IL34: variants seen among roughly 807,000 people sequenced by gnomAD.
IL34 encodes interleukin-34.
Under a neutral mutation model 25.3 loss-of-function variants are expected in IL34, and 17 were observed. The observed-to-expected ratio is 0.67, with a 90% CI of 0.46 to 1.01. IL34 has a LOEUF of 1.01. Among genes scored for constraint, IL34 ranks in the 50% least tolerant of loss-of-function variants. IL34 has a pLI of 0.00. For synonymous variants in IL34, 174 were observed against 140.9 expected (o/e 1.23, Z -1.66); for missense variants, 368 against 312.9 (o/e 1.18, Z -1.33).
intron 1 of IL34, among the ~76,000 whole-genome samples, chr16:70,627,344 G>T (rs1442705797): frequency 6.6e-6 from 1 of 152,040 alleles, no homozygotes; most frequent in Non-Finnish European, 1.5e-5. Flanking sequence ...ACACACCCTT[G>T]CAACTATTAC....
At chr16:70,594,019 T>C (rs2050786653) in intron 1 of IL34, among the ~76,000 whole-genome samples, 2 of 152,234 alleles carry the variant, frequency 1.3e-5, no homozygotes, top group South Asian at 4.1e-4. Flanking sequence ...TACCACACTA[T>C]CTTGATTGCT....
intron 1 of IL34, among the ~76,000 whole-genome samples, chr16:70,623,319 G>A (rs898306961): frequency 2.6e-5 from 4 of 152,018 alleles, no homozygotes; most frequent in African/African-American, 4.8e-5. Context: ...GAGGTATGGA[G>A]GATAGGAGAG....
At chr16:70,638,861 T>G (rs1340487593) in intron 1 of IL34, among the ~76,000 whole-genome samples, 2 of 152,170 alleles carry the variant, frequency 1.3e-5, no homozygotes, top group African/African-American at 2.4e-5. Flanking sequence ...GAATTACAGG[T>G]GTGTGCCACC....
chr16:70,619,713 G>T (rs2051240031), intron 1 of IL34, among the ~76,000 whole-genome samples: 1 of 152,236 alleles, frequency 6.6e-6, no homozygotes, highest in Non-Finnish European at 1.5e-5. Context: ...GAGGCGATCG[G>T]GCAGTGTCAG....
At chr16:70,650,042 G>C (rs1044611456) in intron 1 of IL34, among the ~76,000 whole-genome samples, 1 of 152,078 alleles carries the variant, frequency 6.6e-6, no homozygotes, top group Non-Finnish European at 1.5e-5. Context: ...CAGGTGATCC[G>C]CCCACCTCGG....
intron 1 of IL34, among the ~76,000 whole-genome samples, chr16:70,600,528 G>A (rs1048236197): frequency 5.3e-5 from 8 of 152,176 alleles, no homozygotes; most frequent in Non-Finnish European, 1.2e-4. Flanking sequence ...GCACAGTGGG[G>A]CTCTTAGTCT....
At chr16:70,583,608 G>T (rs886754719) in intron 1 of IL34, among the ~76,000 whole-genome samples, 1 of 151,858 alleles carries the variant, frequency 6.6e-6, no homozygotes, top group South Asian at 2.1e-4. Flanking sequence ...CCTGGGAGTT[G>T]GGGCCCTGGG....
intron 1 of IL34, among the ~76,000 whole-genome samples, chr16:70,599,732 T>C (rs1372310355): frequency 6.6e-6 from 1 of 150,836 alleles, no homozygotes; most frequent in Non-Finnish European, 1.5e-5. Context: ...TAGAGTATAG[T>C]GGTGTGATCA....
intron 1 of IL34, among the ~76,000 whole-genome samples, chr16:70,616,598 G>A (rs2051176126): frequency 1.3e-5 from 2 of 152,288 alleles, no homozygotes; most frequent in African/African-American, 2.4e-5. Flanking sequence ...TCAGCAAAGC[G>A]TGCTGGATTA....
chr16:70,655,208 A>T (rs1391841729), intron 2 of IL34, among the ~76,000 whole-genome samples: 5 of 151,672 alleles, frequency 3.3e-5, no homozygotes, highest in African/African-American at 1.2e-4. Flanking sequence ...GCGCGCCACC[A>T]TGCCCAGCTA....
intron 1 of IL34, among the ~76,000 whole-genome samples, chr16:70,647,377 C>A (rs910566983): frequency 2.0e-5 from 3 of 152,154 alleles, no homozygotes; most frequent in Non-Finnish European, 4.4e-5. Flanking sequence ...CCAAGACCCA[C>A]GGCAGAAGAG....
chr16:70,653,695 G>T (rs1015961051), intron 1 of IL34, among the ~76,000 whole-genome samples: 2 of 152,052 alleles, frequency 1.3e-5, no homozygotes, highest in African/African-American at 4.8e-5. Flanking sequence ...AAAAGAAAAA[G>T]AAAAATTATA....
At chr16:70,602,639 G>A (rs1316998178) in intron 1 of IL34, among the ~76,000 whole-genome samples, 2 of 150,386 alleles carry the variant, frequency 1.3e-5, no homozygotes, top group African/African-American at 2.4e-5. Flanking sequence ...GTTGGGCGAG[G>A]GGTGGTAGCC....
intron 1 of IL34, among the ~76,000 whole-genome samples, chr16:70,586,560 C>T (rs527535142): frequency 6.6e-6 from 1 of 152,188 alleles, no homozygotes; most frequent in Non-Finnish European, 1.5e-5. Flanking sequence ...AGCCTCAAAC[C>T]AAACCAAACA....
At chr16:70,592,557 T>A (rs1286945040) in intron 1 of IL34, among the ~76,000 whole-genome samples, 2 of 152,196 alleles carry the variant, frequency 1.3e-5, no homozygotes, top group Non-Finnish European at 2.9e-5. Context: ...CCTATACCAG[T>A]TGCTGAATAA....
At chr16:70,632,247 A>G (rs2051536485) in intron 1 of IL34, among the ~76,000 whole-genome samples, 1 of 152,058 alleles carries the variant, frequency 6.6e-6, no homozygotes, top group Non-Finnish European at 1.5e-5. Flanking sequence ...TGCTGTAGGG[A>G]TTGGGCCAGG....
intron 1 of IL34, among the ~76,000 whole-genome samples, chr16:70,585,587 A>G (rs2050683971): frequency 6.6e-6 from 1 of 151,814 alleles, no homozygotes; most frequent in Non-Finnish European, 1.5e-5. Flanking sequence ...CAGGAGGCTG[A>G]GGCAGGAAAA....
At chr16:70,654,904 A>G (rs2052176624) in intron 2 of IL34, among the ~76,000 whole-genome samples, 1 of 151,346 alleles carries the variant, frequency 6.6e-6, no homozygotes, top group South Asian at 2.1e-4. Context: ...CTTTAATCCC[A>G]CCTCCATGAT....
At chr16:70,598,262 C>T (rs1414527677) in intron 1 of IL34, among the ~76,000 whole-genome samples, 1 of 152,118 alleles carries the variant, frequency 6.6e-6, no homozygotes, top group Non-Finnish European at 1.5e-5. Flanking sequence ...CCATTAGCGA[C>T]CTCTTAGAGG....
Sources: gnomAD v4.1 joint callset for allele counts (sites outside exome capture counted in the v4.1 genomes callset) on GRCh38, gnomAD v4.1.1 for gene constraint, MANE v1.5 for transcripts, NCBI Gene and HGNC (gene_info 2026-07-23, HGNC 2026-07-21) for gene names.